FGF14: variants seen among roughly 807,000 people sequenced by gnomAD.
The protein encoded by FGF14 is fibroblast growth factor 14.
FGF14 carries 5 observed loss-of-function variants against 25.5 expected under a neutral mutation model. The ratio of observed to expected loss-of-function variants is 0.20; its 90% CI spans 0.10 to 0.41. FGF14 has a LOEUF of 0.41. Ranked by LOEUF, FGF14 falls within the 10% of genes least tolerant of loss-of-function variation. The pLI is 1.00. For missense variants in FGF14, 222 were observed against 320.1 expected, an observed-to-expected ratio of 0.69 and a Z score of 2.34; for synonymous variants, 138 against 118.3, an observed-to-expected ratio of 1.17 and a Z score of -1.08.
intron 1 of FGF14, among the ~76,000 whole-genome samples, chr13:102,182,821 T>G (rs1401346751): frequency 6.6e-6 from 1 of 152,170 alleles, no homozygotes; most frequent in African/African-American, 2.4e-5. Flanking sequence ...TTATAAAGAT[T>G]TGTATAGTTG....
intron 1 of FGF14, among the ~76,000 whole-genome samples, chr13:101,963,270 C>T (rs2036979746): frequency 6.6e-6 from 1 of 152,186 alleles, no homozygotes; most frequent in South Asian, 2.1e-4. Flanking sequence ...AATGTTAATT[C>T]CCCCATTTTA....
At chr13:102,344,116 C>T (rs1171472870) in intron 1 of FGF14, among the ~76,000 whole-genome samples, 1 of 152,216 alleles carries the variant, frequency 6.6e-6, no homozygotes. Context: ...AGGCATGAAA[C>T]TCAATCACTT....
At chr13:101,891,934 A>T (rs1055682413) in intron 1 of FGF14, among the ~76,000 whole-genome samples, 2 of 152,110 alleles carry the variant, frequency 1.3e-5, no homozygotes, top group Non-Finnish European at 2.9e-5. Flanking sequence ...ATAGAGAAAG[A>T]AGTTGAGAGG....
chr13:101,812,912 C>T (rs2041652488), intron 3 of FGF14, among the ~76,000 whole-genome samples: 1 of 151,822 alleles, frequency 6.6e-6, no homozygotes, highest in Admixed American at 6.6e-5. Context: ...GGTGATCCAC[C>T]TGCCTCAGCC....
At chr13:102,252,111 G>A (rs780258833) in intron 1 of FGF14, among the ~76,000 whole-genome samples, 119 of 152,260 alleles carry the variant, frequency 7.8e-4, no homozygotes, top group Admixed American at 1.6e-3. Flanking sequence ...GCTGGGAAAG[G>A]CATTATGCAC....
chr13:102,017,615 T>C (rs1421322015), intron 1 of FGF14, among the ~76,000 whole-genome samples: 3 of 152,164 alleles, frequency 2.0e-5, no homozygotes, highest in African/African-American at 4.8e-5. Context: ...TCAATCTTAC[T>C]AGGTACTCAG....
Position 101,916,680 on chromosome 13 carries a change from G to T in FGF14, c.-35C>A. ...GGGAACGGGTCCGGGGAGGGAGGGC[G>T]CGGGAGGACGGCGAGCCGGGGGCAC... On this transcript the variant is annotated 5_prime_UTR_variant, in exon 1 of 5. Coordinates refer to ENST00000376143, the MANE Select transcript of FGF14 (RefSeq NM_004115.4). 6.8e-7 allele frequency: 1 copy of T among 1,468,832 alleles called. No homozygotes were observed. Among genetic ancestry groups the T allele is most frequent in the Non-Finnish European group, 9.0e-7 (1 of 1,108,672 alleles). The allele number at this position is 1,468,832 out of a possible 1,614,324, so 91.0% of individuals were successfully genotyped here. A position where few individuals can be genotyped will look rare whatever the true frequency, so the allele number is the denominator to read the frequency against.
At chr13:102,103,801 G>A (rs926988097) in intron 1 of FGF14, among the ~76,000 whole-genome samples, 4 of 152,128 alleles carry the variant, frequency 2.6e-5, no homozygotes, top group Non-Finnish European at 5.9e-5. Flanking sequence ...CTCTGCCATA[G>A]AGTAATGCAG....
At chr13:102,181,050 C>G (rs1291935628) in intron 1 of FGF14, among the ~76,000 whole-genome samples, 3 of 152,130 alleles carry the variant, frequency 2.0e-5, no homozygotes, top group Non-Finnish European at 4.4e-5. Flanking sequence ...CCAGCTACAG[C>G]CTGCAGGCCA....
At position 102,059,903 on chromosome 13, in the gene FGF14, C is replaced by G. The variant is rs76410449; in HGVS notation, c.209-184607G>C. Among the ~76,000 whole-genome samples, 1,226 of 149,472 alleles carry G rather than the reference C, an allele frequency of 8.2e-3. 9 individuals are homozygous for G. The highest frequency in any genetic ancestry group is 0.029 in the African/African-American group (1,178 of 40,094). ...AAAGAAAAGAAAGAAAGAAAAGAAA[C>G]AAAACAAACAAACAAACAAAACAAA... is the stretch of plus-strand genomic sequence containing the variant. On this transcript the variant is annotated intron_variant, in intron 1 of 4. Coordinates refer to the FGF14 transcript ENST00000376131.
At chr13:101,919,733 C>T (rs149536152), upstream of FGF14, among the ~76,000 whole-genome samples, 715 of 152,294 alleles carry the variant, frequency 4.7e-3, 7 homozygotes, top group African/African-American at 0.016. Flanking sequence ...CCCCTAAAAG[C>T]AGTTTCTCAC....
At chr13:102,351,842 T>C (rs1050719628) in intron 1 of FGF14, among the ~76,000 whole-genome samples, 1 of 152,224 alleles carries the variant, frequency 6.6e-6, no homozygotes, top group Non-Finnish European at 1.5e-5. Flanking sequence ...TGAAGCCACA[T>C]TCAGTTGCCT....
At chr13:101,861,550 T>A (rs1423852271) in intron 3 of FGF14, among the ~76,000 whole-genome samples, 1 of 139,070 alleles carries the variant, frequency 7.2e-6, no homozygotes. Flanking sequence ...CAGACACTAG[T>A]GTCTGCAAGG....
upstream of FGF14, chr13:102,401,788 T>A (rs1024742286): frequency 7.5e-6 from 7 of 928,534 alleles, no homozygotes; most frequent in South Asian, 4.2e-5. Context: ...GAATGATTTA[T>A]CCCCCCTCGA....
intron 1 of FGF14, among the ~76,000 whole-genome samples, chr13:101,876,721 T>C (rs1010400223): frequency 2.6e-5 from 4 of 152,194 alleles, no homozygotes; most frequent in Non-Finnish European, 2.9e-5. Context: ...TAAGTGATTA[T>C]TGCATTGCGT....
chr13:101,968,743 A>C (rs1479643056), intron 1 of FGF14, among the ~76,000 whole-genome samples: 3 of 151,968 alleles, frequency 2.0e-5, no homozygotes, highest in African/African-American at 7.3e-5. Flanking sequence ...ACAATTACAA[A>C]AGTCACAGCC....
At chr13:102,156,438 A>C (rs2047342510) in intron 1 of FGF14, among the ~76,000 whole-genome samples, 1 of 152,226 alleles carries the variant, frequency 6.6e-6, no homozygotes, top group South Asian at 2.1e-4. Context: ...GATGCAGAAA[A>C]AGCCTTTGAC....
chr13:101,835,564 A>G (rs765641953), intron 3 of FGF14, among the ~76,000 whole-genome samples: 46 of 152,060 alleles, frequency 3.0e-4, no homozygotes, highest in Non-Finnish European at 5.7e-4. Context: ...CTGTAGCCGA[A>G]TATCAAGGGT....
intron 3 of FGF14, among the ~76,000 whole-genome samples, chr13:101,833,774 C>T (rs1321954266): frequency 1.3e-5 from 2 of 152,124 alleles, no homozygotes; most frequent in African/African-American, 4.8e-5. Flanking sequence ...GGTTTCATTG[C>T]TATTCAGCAT....
Sources: gnomAD v4.1 joint callset for allele counts (sites outside exome capture counted in the v4.1 genomes callset) on GRCh38, gnomAD v4.1.1 for gene constraint, MANE v1.5 for transcripts, NCBI Gene and HGNC (gene_info 2026-07-23, HGNC 2026-07-21) for gene names.